Variants in FKRP observed in about 807,000 individuals in gnomAD.
The protein encoded by FKRP is ribitol 5-phosphate transferase FKRP.
A neutral mutation model predicts 30.6 loss-of-function variants in FKRP; 25 were observed. The observed-to-expected ratio is 0.82, with a 90% CI of 0.60 to 1.14. FKRP has a LOEUF of 1.14. Among genes scored for constraint, FKRP ranks in the 50% most tolerant of loss-of-function variants. The pLI is 0.00. For missense variants in FKRP, 771 were observed against 727.8 expected, an observed-to-expected ratio of 1.06 and a Z score of -0.68; for synonymous variants, 358 against 342.5, an observed-to-expected ratio of 1.05 and a Z score of -0.50.
intron 3 of FKRP, chr19:46,754,142 C>T (rs1463068309): frequency 6.6e-6 from 1 of 152,078 alleles, no homozygotes; most frequent in African/African-American, 2.4e-5. Context: ...TGGCTCAAGC[C>T]ATCCCCCCAC....
At chr19:46,745,869 C>T (rs2054581966), upstream of FKRP, 2 of 327,210 alleles carry the variant, frequency 6.1e-6, no homozygotes, top group Non-Finnish European at 1.1e-5. Flanking sequence ...TGGTTGTGGT[C>T]CCTCCGCCCC....
rs981539538 is a variant in FKRP, at chr19:46,758,360, A to G, written c.*1422A>G. The G allele has an allele frequency of 1.3e-4, 22 of 167,010 alleles. No individual in the cohort carries two copies. Among genetic ancestry groups the G allele is most frequent in the African/African-American group, 5.3e-4 (22 of 41,452 alleles). 10.3% of individuals were successfully genotyped at this position (167,010 alleles called of 1,614,324 possible). A position where few individuals can be genotyped will look rare whatever the true frequency, so the allele number is the denominator to read the frequency against. ...CAATGGCAGCCTTCCTTATTTGATT[A>G]TGCACCTAAGAATAAATGGTATTTG... is the stretch of plus-strand genomic sequence containing the variant. On this transcript the variant is annotated 3_prime_UTR_variant, in exon 4 of 4. Transcript: ENST00000318584.
In FKRP at chr19:46,756,297, C is replaced by A. The variant is rs1325525979; in HGVS notation, c.847C>A (p.Arg283=). The A allele has an allele frequency of 6.5e-7, 1 of 1,535,308 alleles. No individual in the cohort carries two copies. The highest frequency in any genetic ancestry group is 8.7e-7 in the Non-Finnish European group (1 of 1,145,406). Reference sequence around the variant, plus strand: ...CCGCCTAGTGAGCTGGGAAGGCGGGCGGCTGGAGTGGTTCGGCTGCAACAA... The same window carrying A: ...CCGCCTAGTGAGCTGGGAAGGCGGGAGGCTGGAGTGGTTCGGCTGCAACAA... ...GIRLVSWEGG[R]LEWFGCNKET... The change falls in exon 4 of 4, where the codon CGG becomes AGG. Residue 283 remains arginine (R), a synonymous_variant. Transcript: ENST00000318584. This position sits in a 1 kb window ranked among gnomAD's most constrained non-coding sequence, Gnocchi z 6.6.
Position 46,755,995 on chromosome 19 carries a change from A to T in FKRP, c.545A>T (p.Tyr182Phe), listed in dbSNP as rs543163491. The change falls in exon 4 of 4, where the codon TAT becomes TTT. Residue 182 changes from tyrosine to phenylalanine, a missense_variant. Coordinates refer to ENST00000318584, the MANE Select transcript of FKRP (RefSeq NM_024301.5). ...AGCCTGCGAGAGTGGACCGCCCGCT[A>T]TGGCGCAGCCCCCGCCGCGCCCCGC... ...NVSLREWTAR[Y>F]GAAPAAPRCD... 1 of 1,547,724 alleles carries T rather than the reference A, an allele frequency of 6.5e-7. No individual in the cohort carries two copies. Among genetic ancestry groups the T allele is most frequent in the Middle Eastern group, 1.7e-4 (1 of 5,984 alleles).
At chr19:46,747,336 A>G (rs531507940) in intron 1 of FKRP, 2 of 151,958 alleles carry the variant, frequency 1.3e-5, no homozygotes, top group East Asian at 1.9e-4. Context: ...CTATGATAAT[A>G]GAGCAGCCCC....
intron 2 of FKRP, 35 bp from the exon 3 acceptor site, chr19:46,748,480 C>A (rs538232716): frequency 6.6e-6 from 1 of 152,146 alleles, no homozygotes; most frequent in Non-Finnish European, 1.5e-5. Context: ...CCAGCCCTCT[C>A]ATTTTTTTCT....
Position 46,755,455 on chromosome 19 carries a change from G to A in FKRP, c.5G>A (p.Arg2Gln), listed in dbSNP as rs1308459613. Residue 2 changes from arginine (R) to glutamine (Q), a missense_variant, in exon 4 of 4, where the codon CGG (arginine) becomes CAG (glutamine). Arg to Gln is a conservative substitution (Grantham distance 43). Coordinates refer to ENST00000318584, the MANE Select transcript of FKRP (RefSeq NM_024301.5). Reference protein sequence around the residue: MRLTRCQAALAA... With the variant: MQLTRCQAALAA... ...CTAGCCCCAGACTTCGGCCCCATGC[G>A]GCTCACCCGCTGCCAGGCTGCCCTG... The A allele has an allele frequency of 2.5e-6, 4 of 1,605,376 alleles. No homozygotes were observed. Among genetic ancestry groups the A allele is most frequent in the African/African-American group, 1.3e-5 (1 of 74,848 alleles).
rs1466147894 is a variant in FKRP at position 46,758,552 on chromosome 19, G to A, written c.*1614G>A. On this transcript the variant is annotated 3_prime_UTR_variant, in exon 4 of 4. Coordinates refer to ENST00000318584, the MANE Select transcript of FKRP (RefSeq NM_024301.5). ...CAATGACTTTTGCACACCCAGGTGT[G>A]AGCACCCAGCATTCAAGACCACGGG... 6.1e-6 allele frequency: 1 copy of A among 164,546 alleles called. No individual in the cohort carries two copies. The highest frequency in any genetic ancestry group is 2.5e-5 in the African/African-American group (1 of 40,620). 10.2% of individuals were successfully genotyped at this position (164,546 alleles called of 1,614,324 possible). A position where few individuals can be genotyped will look rare whatever the true frequency, so the allele number is the denominator to read the frequency against.
chr19:46,746,139 C>A, intron 1 of FKRP, 49 bp downstream of exon 1: 1 of 1,504,692 alleles, frequency 6.6e-7, no homozygotes, highest in Admixed American at 2.1e-5. Context: ...GGTCCCGGGA[C>A]AGCGCTCACC....
chr19:46,756,596 G>T lies in FKRP; in HGVS notation c.1146G>T (p.Glu382Asp). Reference sequence around the variant, plus strand: ...ACTGCGAGCAGCTGCGGGGGGCAGAGGCCGGCTCGGTGGTGGATGAGCGCG... The same window carrying T: ...ACTGCGAGCAGCTGCGGGGGGCAGATGCCGGCTCGGTGGTGGATGAGCGCG... ...VGNCEQLRGA[E>D]AGSVVDERGF... The change falls in exon 4 of 4, where the codon GAG becomes GAT. Residue 382 changes from glutamate (E) to aspartate (D), a missense_variant. By Grantham distance (45) the Glu-to-Asp change is conservative (BLOSUM62 2). Coordinates refer to ENST00000318584, the MANE Select transcript of FKRP (RefSeq NM_024301.5). The surrounding 1 kb of genome is among the most constrained non-coding windows in gnomAD (Gnocchi z 6.6). The T allele has an allele frequency of 6.2e-7, 1 of 1,610,724 alleles. No homozygotes were observed.
At position 46,755,448 on chromosome 19, in the gene FKRP, C is replaced by T; in HGVS notation, c.-3C>T. The T allele has an allele frequency of 6.2e-7, 1 of 1,604,034 alleles. No homozygotes were observed. The highest frequency in any genetic ancestry group is 8.5e-7 in the Non-Finnish European group (1 of 1,178,898). On this transcript the variant is annotated 5_prime_UTR_variant, in exon 4 of 4. Transcript: ENST00000318584. ...GGCCCAGCTAGCCCCAGACTTCGGC[C>T]CCATGCGGCTCACCCGCTGCCAGGC...
chr19:46,758,557 C>T lies in FKRP; in HGVS notation c.*1619C>T, dbSNP rs1330409853. The T allele has an allele frequency of 6.1e-6, 1 of 165,156 alleles. No individual in the cohort carries two copies. The highest frequency in any genetic ancestry group is 2.5e-5 in the African/African-American group (1 of 40,814). 10.2% of individuals were successfully genotyped at this position (165,156 alleles called of 1,614,324 possible). On this transcript the variant is annotated 3_prime_UTR_variant, in exon 4 of 4. Transcript: ENST00000318584. ...ACTTTTGCACACCCAGGTGTGAGCA[C>T]CCAGCATTCAAGACCACGGGTTAAA...
intron 3 of FKRP, among the ~76,000 whole-genome samples, chr19:46,753,426 C>A (rs75460171): frequency 6.8e-6 from 1 of 146,736 alleles, no homozygotes; most frequent in Non-Finnish European, 1.5e-5. Flanking sequence ...CCACTGCACT[C>A]CAGCCTGGGC....
upstream of FKRP, chr19:46,745,820 G>T: frequency 4.5e-6 from 1 of 223,386 alleles, no homozygotes; most frequent in Non-Finnish European, 8.8e-6. Context: ...GAGCCCCGCG[G>T]CCAGCGTGCT....
chr19:46,753,203 C>T (rs367877610), intron 3 of FKRP, among the ~76,000 whole-genome samples: 2 of 149,852 alleles, frequency 1.3e-5, no homozygotes, highest in African/African-American at 2.5e-5. Flanking sequence ...CGGTGGCTCA[C>T]GCCTGTAATC....
At chr19:46,752,842 G>A (rs2054820216) in intron 3 of FKRP, among the ~76,000 whole-genome samples, 1 of 151,894 alleles carries the variant, frequency 6.6e-6, no homozygotes, top group Admixed American at 6.6e-5. Context: ...TCAAGCTTGG[G>A]CAGCAGAGCA....
In FKRP at chr19:46,758,022, A is replaced by G. The variant is rs2054962795; in HGVS notation, c.*1084A>G. The G allele has an allele frequency of 6.0e-6, 1 of 167,224 alleles. No individual in the cohort carries two copies. Among genetic ancestry groups the G allele is most frequent in the African/African-American group, 2.4e-5 (1 of 41,480 alleles). The allele number at this position is 167,224 out of a possible 1,614,324, so 10.4% of individuals were successfully genotyped here. A position where few individuals can be genotyped will look rare whatever the true frequency, so the allele number is the denominator to read the frequency against. On this transcript the variant is annotated 3_prime_UTR_variant, in exon 4 of 4. Coordinates refer to ENST00000318584, the MANE Select transcript of FKRP (RefSeq NM_024301.5). Reference sequence around the variant, plus strand: ...CCACTTGCACGGCAGTGTAGACAATAACCATAGCTCACACTCACTGAGCAC... The same window carrying G: ...CCACTTGCACGGCAGTGTAGACAATGACCATAGCTCACACTCACTGAGCAC...
rs531446425 is a variant in FKRP, at chr19:46,746,083, G to T, written c.-260G>T. The T allele has an allele frequency of 6.8e-6, 9 of 1,331,804 alleles. No individual in the cohort carries two copies. Among genetic ancestry groups the T allele is most frequent in the Admixed American group, 8.2e-5 (2 of 24,436 alleles). 82.5% of individuals were successfully genotyped at this position (1,331,804 alleles called of 1,614,324 possible). A position where few individuals can be genotyped will look rare whatever the true frequency, so the allele number is the denominator to read the frequency against. On this transcript the variant is annotated 5_prime_UTR_variant, in exon 1 of 4. Transcript: ENST00000318584. The stretch of plus-strand genomic sequence containing the variant: ...ATTGCTCCAAGATGGCGGCGGCGGC[G>T]GCAGCGGGTGAGGCCGGGCCGGGCC...
At position 46,756,805 on chromosome 19, in the gene FKRP, T is replaced by C; in HGVS notation, c.1355T>C (p.Leu452Pro). ...PEHFLQPLVP[L>P]PFAGFVAQAP... ...CACTTCCTGCAGCCGCTGGTGCCCCTGCCCTTTGCCGGCTTCGTGGCGCAG... is the reference window on the plus strand; with the variant it reads ...CACTTCCTGCAGCCGCTGGTGCCCCCGCCCTTTGCCGGCTTCGTGGCGCAG... The change falls in exon 4 of 4, where the codon CTG (leucine) becomes CCG (proline). Residue 452 changes from leucine (L) to proline (P), a missense_variant. Physicochemically the swap from Leu to Pro is moderately conservative, Grantham distance 98 (BLOSUM62 -3). Transcript: ENST00000318584. The surrounding 1 kb of genome is among the most constrained non-coding windows in gnomAD (Gnocchi z 6.6). 6.2e-7 allele frequency: 1 copy of C among 1,600,664 alleles called. No individual in the cohort carries two copies. The highest frequency in any genetic ancestry group is 8.5e-7 in the Non-Finnish European group (1 of 1,174,170).
Sources: gnomAD v4.1 joint callset for allele counts (sites outside exome capture counted in the v4.1 genomes callset) on GRCh38, gnomAD v4.1.1 for gene constraint, Gnocchi (gnomAD v3.1) non-coding constraint, MANE v1.5 for transcripts, NCBI Gene and HGNC (gene_info 2026-07-23, HGNC 2026-07-21) for gene names.